Variants in SSBP2 observed in about 807,000 individuals in gnomAD.
SSBP2 encodes the protein single stranded DNA binding protein 2.
A neutral mutation model predicts 61.8 loss-of-function variants in SSBP2; 17 were observed. The observed-to-expected ratio is 0.28, with a 90% CI of 0.19 to 0.41. The LOEUF (loss-of-function observed/expected upper bound fraction) is 0.41, where lower values mean the gene tolerates loss of function less well. Among genes scored for constraint, SSBP2 ranks in the 10% least tolerant of loss-of-function variants. The probability of loss-of-function intolerance (pLI) is 1.00; values close to 1 mark genes in which losing one functional copy is unlikely to be tolerated. For missense variants in SSBP2, 310 were observed against 458.7 expected (o/e 0.68, Z 2.96); for synonymous variants, 139 against 141.3 (o/e 0.98, Z 0.12).
At chr5:81,718,993 G>A (rs1680682452) in intron 1 of SSBP2, among the ~76,000 whole-genome samples, 1 of 151,970 alleles carries the variant, frequency 6.6e-6, no homozygotes, top group Non-Finnish European at 1.5e-5. Flanking sequence ...AATTTTTGGG[G>A]GTTTGTCCAT....
intron 4 of SSBP2, among the ~76,000 whole-genome samples, chr5:81,540,451 G>A (rs146095855): frequency 0.014 from 2,084 of 152,240 alleles, 29 homozygotes; most frequent in South Asian, 0.076. Context: ...GGCATGAGAT[G>A]GTATCTCACT....
rs879465692 is a variant in SSBP2 at position 81,422,045 on chromosome 5, G to A, written c.1057-1512C>T. 3.8e-4 allele frequency among the ~76,000 whole-genome samples: 58 copies of A among 152,000 alleles called. 1 individual carries two copies. Among genetic ancestry groups the A allele is most frequent in the Non-Finnish European group, 2.5e-4 (17 of 68,002 alleles). On this transcript the variant is annotated intron_variant, in intron 16 of 16. Coordinates refer to ENST00000320672, the MANE Select transcript of SSBP2 (RefSeq NM_012446.5). ...ATGTGGACCCTGAAATTTTTTAAAC[G>A]TTTTATTGGAAACCTATGAGGACCA...
chr5:81,730,458 CAGG>C (rs1756188589), intron 1 of SSBP2, among the ~76,000 whole-genome samples: 1 of 152,194 alleles, frequency 6.6e-6, no homozygotes, highest in Non-Finnish European at 1.5e-5. Flanking sequence ...CTCCTGACCT[CAGG>C]TGATCCACCT....
At chr5:81,518,968 A>T (rs918908533) in intron 4 of SSBP2, among the ~76,000 whole-genome samples, 1 of 152,122 alleles carries the variant, frequency 6.6e-6, no homozygotes, top group Non-Finnish European at 1.5e-5. Context: ...ATCATCATGC[A>T]TGATGCATTT....
At chr5:81,462,954 AT>A (rs1387445409) in intron 9 of SSBP2, among the ~76,000 whole-genome samples, 16 of 152,120 alleles carry the variant, frequency 1.1e-4, no homozygotes, top group Admixed American at 5.2e-4. Context: ...TTATTTTCAA[AT>A]TTTTCTAATG....
intron 1 of SSBP2, among the ~76,000 whole-genome samples, chr5:81,747,009 C>T (rs2154028489): frequency 9.0e-6 from 1 of 110,536 alleles, no homozygotes; most frequent in Admixed American, 1.3e-4. Context: ...AACAAGCAAT[C>T]AAACAAAATT....
chr5:81,432,471 G>A (rs1466961972), intron 15 of SSBP2, among the ~76,000 whole-genome samples: 1 of 152,136 alleles, frequency 6.6e-6, no homozygotes, highest in Non-Finnish European at 1.5e-5. Flanking sequence ...AACCGGCCGG[G>A]CACGGTGGCT....
intron 4 of SSBP2, among the ~76,000 whole-genome samples, chr5:81,565,939 TA>T (rs1561545882): frequency 6.6e-6 from 1 of 152,150 alleles, no homozygotes; most frequent in African/African-American, 2.4e-5. Context: ...CTTTCATTCT[TA>T]AAAAAATATT....
intron 6 of SSBP2, among the ~76,000 whole-genome samples, 188 bp from the exon 7 acceptor site, chr5:81,474,750 T>C (rs1429679212): frequency 6.6e-6 from 1 of 152,178 alleles, no homozygotes; most frequent in African/African-American, 2.4e-5. Context: ...AGTTCTTAGT[T>C]CTAAAAAGAT....
chr5:81,741,614 CT>C (rs1217061161), intron 1 of SSBP2, among the ~76,000 whole-genome samples: 4 of 152,146 alleles, frequency 2.6e-5, no homozygotes, highest in Non-Finnish European at 5.9e-5. Flanking sequence ...TTCCCTCCCC[CT>C]AACCCAGCAC....
chr5:81,638,063 T>A (rs1036739692), intron 2 of SSBP2, among the ~76,000 whole-genome samples: 2 of 125,092 alleles, frequency 1.6e-5, no homozygotes, highest in East Asian at 4.9e-4. Flanking sequence ...TGAGAACACA[T>A]GGACACAGGA....
chr5:81,478,054 A>G (rs562115483), intron 6 of SSBP2, among the ~76,000 whole-genome samples: 149 of 152,346 alleles, frequency 9.8e-4, no homozygotes, highest in Admixed American at 1.6e-3. Flanking sequence ...AGTAGCCAAC[A>G]CTGTCAAAAG....
At chr5:81,751,404 T>A (rs1214122924), upstream of SSBP2, among the ~76,000 whole-genome samples, 1 of 151,934 alleles carries the variant, frequency 6.6e-6, no homozygotes, top group Admixed American at 6.5e-5. Context: ...CTAGAAGGAT[T>A]TTAAACAACT....
intron 4 of SSBP2, among the ~76,000 whole-genome samples, chr5:81,563,474 GA>G (rs1224049671): frequency 1.3e-5 from 2 of 152,058 alleles, no homozygotes; most frequent in Non-Finnish European, 2.9e-5. Flanking sequence ...ACCACCAAAA[GA>G]AAGACATTGA....
rs182592414 is a variant in SSBP2 at position 81,652,074 on chromosome 5, G to T, written c.63-1735C>A. On this transcript the variant is annotated intron_variant, in intron 1 of 16. Transcript: ENST00000320672. ...GAAAGAAATCCACACCTAAGTAAAA[G>T]GCTGAACAATAAAGCTGGTCCACCA... 2.0e-5 allele frequency among the ~76,000 whole-genome samples: 3 copies of T among 152,200 alleles called. No individual in the cohort carries two copies. In the East Asian group the frequency reaches 5.8e-4, roughly 29 times the overall value.
intron 2 of SSBP2, among the ~76,000 whole-genome samples, chr5:81,642,289 C>T (rs1307312242): frequency 6.6e-6 from 1 of 152,158 alleles, no homozygotes; most frequent in Non-Finnish European, 1.5e-5. Flanking sequence ...CTTCCATTAT[C>T]CCAGCATCAA....
intron 5 of SSBP2, among the ~76,000 whole-genome samples, chr5:81,511,656 C>T (rs1768617398): frequency 6.6e-6 from 1 of 152,116 alleles, no homozygotes. Flanking sequence ...CTCTTATCTC[C>T]AACTCAGGCA....
intron 3 of SSBP2, among the ~76,000 whole-genome samples, chr5:81,631,046 GA>G (rs201125118): frequency 6.6e-6 from 1 of 151,724 alleles, no homozygotes; most frequent in South Asian, 2.1e-4. Context: ...ATTACATTTG[GA>G]AAAAAAATTA....
chr5:81,512,569 T>C (rs1470849430), intron 5 of SSBP2, among the ~76,000 whole-genome samples: 1 of 152,198 alleles, frequency 6.6e-6, no homozygotes, highest in Non-Finnish European at 1.5e-5. Flanking sequence ...TCTAGACTAC[T>C]TGGGTATTAA....
Sources: allele counts gnomAD v4.1 joint callset (sites outside exome capture counted in the v4.1 genomes callset), GRCh38; gene constraint gnomAD v4.1.1; transcripts MANE v1.5; gene names NCBI Gene and HGNC (gene_info 2026-07-23, HGNC 2026-07-21).